Variants in GFOD1 observed in about 807,000 individuals in gnomAD.
The protein encoded by GFOD1 is glucose-fructose oxidoreductase domain-containing protein 1.
GFOD1 carries 9 observed loss-of-function variants against 25.4 expected under a neutral mutation model. That is an observed-to-expected ratio of 0.35 (90% CI 0.21 to 0.62). GFOD1 has a LOEUF of 0.62. GFOD1 is among the 20% of genes least tolerant of loss of function. GFOD1 has a pLI of 0.72. For synonymous variants in GFOD1, 253 were observed against 245.6 expected (o/e 1.03, Z -0.28); for missense variants, 403 against 556.9 (o/e 0.72, Z 2.78).
At chr6:13,464,419 T>C (rs1056162199) in intron 1 of GFOD1, among the ~76,000 whole-genome samples, 1 of 152,218 alleles carries the variant, frequency 6.6e-6, no homozygotes, top group African/African-American at 2.4e-5. Context: ...ATGTCAACAG[T>C]GTCCAGAAAT....
rs959057092 is a variant in GFOD1 at position 13,453,145 on chromosome 6, G to A, written c.253+33493C>T. 9.8e-5 allele frequency among the ~76,000 whole-genome samples: 15 copies of A among 152,310 alleles called. 1 individual carries two copies. The highest frequency in any genetic ancestry group is 3.4e-3 in the Middle Eastern group (1 of 294). On this transcript the variant is annotated intron_variant, in intron 1 of 1. Transcript: ENST00000379287. ...AATTCAATTTTCAAAGGTTCATTTC[G>A]TTTTGTTTTTCAAATTCAGAATTGA...
At chr6:13,385,600 T>C (rs1785453063) in intron 1 of GFOD1, among the ~76,000 whole-genome samples, 1 of 152,208 alleles carries the variant, frequency 6.6e-6, no homozygotes, top group African/African-American at 2.4e-5. Flanking sequence ...AAGCCAATCA[T>C]CAAGGGTTTT....
At chr6:13,402,953 T>C (rs754324649) in intron 1 of GFOD1, among the ~76,000 whole-genome samples, 3 of 152,196 alleles carry the variant, frequency 2.0e-5, no homozygotes, top group Non-Finnish European at 2.9e-5. Flanking sequence ...GATGAATGAA[T>C]AAACAAAAGG....
intron 1 of GFOD1, among the ~76,000 whole-genome samples, chr6:13,412,253 C>A (rs1290745394): frequency 6.6e-6 from 1 of 152,116 alleles, no homozygotes; most frequent in Non-Finnish European, 1.5e-5. Context: ...AAGAGGAGGT[C>A]ATTGGAGTGG....
At position 13,470,183 on chromosome 6, in the gene GFOD1, G is replaced by A. The variant is rs6938119; in HGVS notation, c.253+16455C>T. On this transcript the variant is annotated intron_variant, in intron 1 of 1. Coordinates refer to ENST00000379287, the MANE Select transcript of GFOD1 (RefSeq NM_018988.4). ...CCACTGGCTTCCCCAGCACCTGCGC[G>A]CGATGAACGCATCTATCTGTAATCT... 0.011 allele frequency: 17,591 copies of A among 1,561,622 alleles called. 1,496 individuals are homozygous for A. The African/African-American group carries it at 0.2, about 18-fold the overall frequency.
chr6:13,425,885 A>G (rs965953016), intron 1 of GFOD1, among the ~76,000 whole-genome samples: 4 of 133,590 alleles, frequency 3.0e-5, no homozygotes, highest in Admixed American at 2.2e-4. Flanking sequence ...AAAAAAAAAA[A>G]GAAGAAGAAA....
chr6:13,476,657 C>A (rs951936527), intron 1 of GFOD1, among the ~76,000 whole-genome samples: 2 of 152,076 alleles, frequency 1.3e-5, no homozygotes, highest in African/African-American at 4.8e-5. Context: ...TGGAGCTTTA[C>A]AATTGTGGAG....
chr6:13,409,918 A>T (rs1199417257), intron 1 of GFOD1, among the ~76,000 whole-genome samples: 21 of 45,858 alleles, frequency 4.6e-4, no homozygotes, highest in Admixed American at 2.4e-3. Flanking sequence ...GCGGGGCTCC[A>T]TTTCAAAAAA....
chr6:13,434,079 A>G (rs1198191099), intron 1 of GFOD1, among the ~76,000 whole-genome samples: 1 of 152,252 alleles, frequency 6.6e-6, no homozygotes, highest in East Asian at 1.9e-4. Flanking sequence ...AGTGGAGGCC[A>G]CAATGGGAAC....
chr6:13,429,473 T>C (rs1757709254), intron 1 of GFOD1, among the ~76,000 whole-genome samples: 1 of 152,032 alleles, frequency 6.6e-6, no homozygotes, highest in African/African-American at 2.4e-5. Flanking sequence ...AGAGGGTGAG[T>C]TCCACGGTCC....
intron 1 of GFOD1, among the ~76,000 whole-genome samples, chr6:13,453,937 AC>A: frequency 6.6e-6 from 1 of 152,218 alleles, no homozygotes; most frequent in Admixed American, 6.5e-5. Flanking sequence ...AAAAGATGTC[AC>A]AGTCCTCACT....
chr6:13,386,301 G>A (rs911562578), intron 1 of GFOD1, among the ~76,000 whole-genome samples: 1 of 152,056 alleles, frequency 6.6e-6, no homozygotes, highest in Non-Finnish European at 1.5e-5. Flanking sequence ...CCTCCTATCC[G>A]TCAGGTCCAA....
At chr6:13,411,667 A>T (rs1162224865) in intron 1 of GFOD1, among the ~76,000 whole-genome samples, 3 of 152,206 alleles carry the variant, frequency 2.0e-5, no homozygotes, top group Admixed American at 6.5e-5. Flanking sequence ...GTCACCAGAA[A>T]GGCCTCCTTC....
chr6:13,463,285 A>ACT (rs1758324142), intron 1 of GFOD1, among the ~76,000 whole-genome samples: 1 of 152,140 alleles, frequency 6.6e-6, no homozygotes, highest in Non-Finnish European at 1.5e-5. Flanking sequence ...AAGGGGTCTC[A>ACT]CTGCCAATTA....
At chr6:13,379,265 T>C (rs1785313315) in intron 1 of GFOD1, among the ~76,000 whole-genome samples, 1 of 152,044 alleles carries the variant, frequency 6.6e-6, no homozygotes, top group South Asian at 2.1e-4. Flanking sequence ...CTTGCTGTGA[T>C]TGGGAAATTT....
chr6:13,365,291 T>A lies in GFOD1; in HGVS notation c.625A>T (p.Ile209Phe). The A allele has an allele frequency of 6.2e-7, 1 of 1,614,168 alleles. No individual in the cohort carries two copies. Among genetic ancestry groups the A allele is most frequent in the Non-Finnish European group, 8.5e-7 (1 of 1,180,008 alleles). The change falls in exon 2 of 2, where the codon ATC becomes TTC. Residue 209 changes from isoleucine to phenylalanine, a missense_variant. By Grantham distance (21) the Ile-to-Phe change is conservative. Coordinates refer to ENST00000379287, the MANE Select transcript of GFOD1 (RefSeq NM_018988.4). This position sits in a 1 kb window ranked among gnomAD's most constrained non-coding sequence, Gnocchi z 9.2. Reference protein sequence around the residue: ...LKTFVKQTDHIKGIRQITSDD... With the variant: ...LKTFVKQTDHFKGIRQITSDD... Reference sequence around the variant, plus strand: ...CTGGTGATCTGTCGGATGCCCTTGATGTGGTCAGTCTGCTTCACGAAGGTC... The same window carrying A: ...CTGGTGATCTGTCGGATGCCCTTGAAGTGGTCAGTCTGCTTCACGAAGGTC...
chr6:13,469,837 T>C (rs1188365472), intron 1 of GFOD1: 4 of 1,144,504 alleles, frequency 3.5e-6, no homozygotes, highest in African/African-American at 1.6e-5. Flanking sequence ...ACATTGGAGG[T>C]TGGCCATGAG....
chr6:13,452,224 T>C lies in GFOD1; in HGVS notation c.253+34414A>G, dbSNP rs143628192. On this transcript the variant is annotated intron_variant, in intron 1 of 1. Transcript: ENST00000379287. ...GATCATATTGAGAGGGGGAGGATGC[T>C]GTAGTGGGTCAACTGGAGACACTGG... Among the ~76,000 whole-genome samples the C allele has an allele frequency of 7.9e-5, 12 of 152,290 alleles. No individual in the cohort carries two copies. The East Asian group carries it at 2.3e-3, about 29-fold the overall frequency.
chr6:13,475,719 AAATAAT>A (rs56303574), intron 1 of GFOD1, among the ~76,000 whole-genome samples: 10,453 of 135,412 alleles, frequency 0.077, 860 homozygotes, highest in African/African-American at 0.21. Context: ...CTCCATCTCA[AAATAAT>A]AATAATAATA....
Sources: gnomAD v4.1 joint callset for allele counts (sites outside exome capture counted in the v4.1 genomes callset) on GRCh38, gnomAD v4.1.1 for gene constraint, Gnocchi (gnomAD v3.1) non-coding constraint, MANE v1.5 for transcripts, NCBI Gene and HGNC (gene_info 2026-07-23, HGNC 2026-07-21) for gene names.